MTMR6: variants seen among roughly 807,000 people sequenced by gnomAD.
MTMR6 encodes myotubularin related protein 6, also known as phosphatidylinositol-3,5-bisphosphate 3-phosphatase MTMR6.
A neutral mutation model predicts 80.1 loss-of-function variants in MTMR6; 47 were observed. The observed-to-expected ratio is 0.59, with a 90% confidence interval of 0.46 to 0.75. The LOEUF is 0.75. MTMR6 is among the 30% of genes least tolerant of loss of function. The pLI is 0.00. For synonymous variants in MTMR6, 254 were observed against 253.0 expected (o/e 1.00, Z -0.04); for missense variants, 629 against 730.9 (o/e 0.86, Z 1.61).
At chr13:25,271,589 C>T (rs1474578182) in intron 2 of MTMR6, among the ~76,000 whole-genome samples, 1 of 152,214 alleles carries the variant, frequency 6.6e-6, no homozygotes, top group African/African-American at 2.4e-5. Flanking sequence ...CAAGTCTCTT[C>T]CTCTCAGGCA....
intron 5 of MTMR6, among the ~76,000 whole-genome samples, chr13:25,265,264 A>T (rs551659712): frequency 6.6e-6 from 1 of 152,298 alleles, no homozygotes; most frequent in South Asian, 2.1e-4. Flanking sequence ...CAGGAAAGAA[A>T]GAGGATCCTA....
In MTMR6 at chr13:25,266,335, A is replaced by G. The variant is rs529039116; in HGVS notation, c.305-49T>C. On this transcript the variant is annotated intron_variant, in intron 3 of 13. Transcript: ENST00000381801. ...GTTAAGTGCAATTTATAAGACTTAT[A>G]CACTACAAATAAATGTAATTTTTCA... The G allele has an allele frequency of 5.3e-5, 76 of 1,444,122 alleles. No homozygotes were observed. In the South Asian group the frequency reaches 5.6e-4, roughly 11 times the overall value. 89.5% of individuals were successfully genotyped at this position (1,444,122 alleles called of 1,614,324 possible).
At chr13:25,285,040 A>T (rs559430641) in intron 1 of MTMR6, among the ~76,000 whole-genome samples, 2 of 128,518 alleles carry the variant, frequency 1.6e-5, no homozygotes, top group African/African-American at 5.2e-5. Flanking sequence ...GAAATTTCTT[A>T]GTCTCTAAAA....
rs1957011616 is a variant in MTMR6 at position 25,247,853 on chromosome 13, A to G, written c.*1379T>C. On this transcript the variant is annotated 3_prime_UTR_variant, in exon 14 of 14. Coordinates refer to ENST00000381801, the MANE Select transcript of MTMR6 (RefSeq NM_004685.5). ...GAAAGTAGCATGAGGAACACTATGC[A>G]AATTGCCTAATACTCGAATTGTACT... 6.6e-6 allele frequency: 1 copy of G among 152,190 alleles called. No individual in the cohort carries two copies. The highest frequency in any genetic ancestry group is 2.4e-5 in the African/African-American group (1 of 41,466). The allele number at this position is 152,190 out of a possible 1,614,324, so 9.4% of individuals were successfully genotyped here. A position where few individuals can be genotyped will look rare whatever the true frequency, so the allele number is the denominator to read the frequency against.
chr13:25,279,923 G>C (rs1312149428), intron 1 of MTMR6, among the ~76,000 whole-genome samples: 2 of 152,180 alleles, frequency 1.3e-5, no homozygotes, highest in African/African-American at 4.8e-5. Context: ...TAGTCCATTA[G>C]GAAATATGGC....
chr13:25,273,972 A>G, intron 2 of MTMR6, 99 bp downstream of exon 2: 1 of 840,676 alleles, frequency 1.2e-6, no homozygotes, highest in East Asian at 2.6e-5. Context: ...GAGATAGGTA[A>G]CCAATGATTA....
At chr13:25,257,591 A>T in intron 8 of MTMR6, 145 bp downstream of exon 8, 1 of 683,770 alleles carries the variant, frequency 1.5e-6, no homozygotes, top group Non-Finnish European at 2.4e-6. Context: ...GATATTTTTA[A>T]GGCTGAAAAT....
At chr13:25,262,692 A>T (rs1957366162) in intron 5 of MTMR6, among the ~76,000 whole-genome samples, 3 of 152,354 alleles carry the variant, frequency 2.0e-5, no homozygotes, top group African/African-American at 7.2e-5. Context: ...TCCTAAAAAA[A>T]GATTTAAAAG....
At chr13:25,255,993 C>T (rs981123663) in intron 9 of MTMR6, among the ~76,000 whole-genome samples, 1 of 152,240 alleles carries the variant, frequency 6.6e-6, no homozygotes. Flanking sequence ...AGATACCAAG[C>T]CACCTTTTTA....
rs769060070 is a variant in MTMR6, at chr13:25,251,826, A to C, written c.1478+27T>G. The C allele has an allele frequency of 4.4e-6, 7 of 1,603,138 alleles. No individual in the cohort carries two copies. Among genetic ancestry groups the C allele is most frequent in the Non-Finnish European group, 5.9e-6 (7 of 1,177,210 alleles). ...AAATTGTGTTTGAGAAAATTCAAGT[A>C]TAAATACTCCAATGATGTCAACTTA... On this transcript the variant is annotated intron_variant, in intron 12 of 13. Transcript: ENST00000381801. This position sits in a 1 kb window ranked among gnomAD's most constrained non-coding sequence, Gnocchi z 4.1.
chr13:25,286,104 T>TA (rs928536291), intron 1 of MTMR6, among the ~76,000 whole-genome samples: 43 of 151,334 alleles, frequency 2.8e-4, no homozygotes, highest in Admixed American at 1.3e-3. Context: ...TTTCTTCTCT[T>TA]AAAAAAAAAT....
chr13:25,275,870 AGGGAGGGGAG>A (rs1166091960), intron 1 of MTMR6, among the ~76,000 whole-genome samples: 2 of 33,450 alleles, frequency 6.0e-5, no homozygotes, highest in African/African-American at 1.3e-4. Flanking sequence ...TCAAAAAAGA[AGGGAGGGGAG>A]GGGAGGGGAG....
intron 11 of MTMR6, 91 bp from the exon 12 acceptor site, chr13:25,252,075 C>T (rs773868314): frequency 4.6e-5 from 65 of 1,402,136 alleles, no homozygotes; most frequent in Non-Finnish European, 5.7e-5. Context: ...CGATGGCTTC[C>T]GAAGCAGATT....
intron 9 of MTMR6, among the ~76,000 whole-genome samples, chr13:25,255,630 T>A (rs1237029576): frequency 6.6e-6 from 1 of 152,070 alleles, no homozygotes; most frequent in Non-Finnish European, 1.5e-5. Context: ...TTCAAGTAAT[T>A]CTTCTGCCTC....
At chr13:25,264,715 A>T (rs928491428) in intron 5 of MTMR6, among the ~76,000 whole-genome samples, 2 of 144,226 alleles carry the variant, frequency 1.4e-5, no homozygotes, top group Non-Finnish European at 3.0e-5. Context: ...AGATCACGCC[A>T]TTGAACTCCA....
intron 8 of MTMR6, 48 bp downstream of exon 8, chr13:25,257,688 C>T (rs1957244627): frequency 2.2e-6 from 3 of 1,371,538 alleles, no homozygotes; most frequent in African/African-American, 2.8e-5. Context: ...TCTACTCCTT[C>T]CCAATCATTA....
In MTMR6 at chr13:25,267,016, G is replaced by C. The variant is rs541634328; in HGVS notation, c.305-730C>G. Among the ~76,000 whole-genome samples the C allele has an allele frequency of 2.6e-5, 4 of 152,130 alleles. No homozygotes were observed. In the East Asian group the frequency reaches 5.8e-4, roughly 22 times the overall value. ...TGCAATCCCAACACTTTGGGAGGCCGAGGAGGGTGGATCACAAGGTCAGGA... is the reference window on the plus strand; with the variant it reads ...TGCAATCCCAACACTTTGGGAGGCCCAGGAGGGTGGATCACAAGGTCAGGA... On this transcript the variant is annotated intron_variant, in intron 3 of 13. Transcript: ENST00000381801.
intron 9 of MTMR6, among the ~76,000 whole-genome samples, chr13:25,256,680 A>G (rs1957215666): frequency 6.6e-6 from 1 of 152,360 alleles, no homozygotes; most frequent in Admixed American, 6.5e-5. Context: ...GAGAAAATCT[A>G]TTCAACTAGA....
intron 1 of MTMR6, among the ~76,000 whole-genome samples, chr13:25,277,007 C>A (rs142265894): frequency 6.6e-6 from 1 of 152,284 alleles, no homozygotes; most frequent in African/African-American, 2.4e-5. Flanking sequence ...ATCTGATTCC[C>A]AAGCCAAAAC....
Sources: gnomAD v4.1 joint callset for allele counts (sites outside exome capture counted in the v4.1 genomes callset) on GRCh38, gnomAD v4.1.1 for gene constraint, Gnocchi (gnomAD v3.1) non-coding constraint, MANE v1.5 for transcripts, NCBI Gene and HGNC (gene_info 2026-07-23, HGNC 2026-07-21) for gene names.